TBCD: variants seen among roughly 807,000 people sequenced by gnomAD.
TBCD encodes tubulin folding cofactor D.
Under a neutral mutation model 169.3 loss-of-function variants are expected in TBCD, and 105 were observed. The observed-to-expected ratio is 0.62, with a 90% CI of 0.53 to 0.73. The LOEUF is 0.73. Among genes scored for constraint, TBCD ranks in the 30% least tolerant of loss-of-function variants. TBCD has a pLI of 0.00. For missense variants in TBCD, 1,444 were observed against 1,600.1 expected, an observed-to-expected ratio of 0.90 and a Z score of 1.66; for synonymous variants, 700 against 643.9, an observed-to-expected ratio of 1.09 and a Z score of -1.32.
In TBCD at chr17:82,805,685, A is replaced by G. The variant is rs1310030741; in HGVS notation, c.951-190A>G. On this transcript the variant is annotated intron_variant, in intron 9 of 38. Transcript: ENST00000355528. ...ACTCGGGGCGTGTTTTGTGGCCCACACCAGGATCTTCCTGGCAGTTTGTGC... is the reference window on the plus strand; with the variant it reads ...ACTCGGGGCGTGTTTTGTGGCCCACGCCAGGATCTTCCTGGCAGTTTGTGC... Among the ~76,000 whole-genome samples the G allele has an allele frequency of 3.3e-5, 5 of 152,324 alleles. No individual in the cohort carries two copies. The South Asian group carries it at 1.0e-3, about 32-fold the overall frequency.
At chr17:82,792,971 C>T (rs920968583) in intron 7 of TBCD, among the ~76,000 whole-genome samples, 2 of 151,958 alleles carry the variant, frequency 1.3e-5, no homozygotes, top group African/African-American at 2.4e-5. Flanking sequence ...CCATGTTGTC[C>T]GGGCTGGTCT....
At chr17:82,849,969 TGTGC>T (rs2055534517) in intron 13 of TBCD, among the ~76,000 whole-genome samples, 5 of 150,990 alleles carry the variant, frequency 3.3e-5, no homozygotes, top group African/African-American at 1.2e-4. Context: ...TGCTGTTGGC[TGTGC>T]TGCTGTTGGC....
At chr17:82,937,645 G>T in intron 35 of TBCD, 1 of 602,306 alleles carries the variant, frequency 1.7e-6, no homozygotes, top group Non-Finnish European at 2.9e-6. Context: ...CGTGGTCAGG[G>T]GCTGCCTCCC....
At chr17:82,859,957 G>C (rs1418666122) in intron 13 of TBCD, 1 of 926,016 alleles carries the variant, frequency 1.1e-6, no homozygotes, top group Non-Finnish European at 1.3e-6. Flanking sequence ...TGGGCCTCGT[G>C]GTCCTGCTCT....
At chr17:82,752,699 C>T (rs2047171027) in intron 1 of TBCD, among the ~76,000 whole-genome samples, 1 of 152,158 alleles carries the variant, frequency 6.6e-6, no homozygotes, top group South Asian at 2.1e-4. Context: ...CCGTCTCCGT[C>T]ACTGGAGGAG....
chr17:82,819,406 A>C (rs940054192), intron 13 of TBCD, among the ~76,000 whole-genome samples: 1 of 152,200 alleles, frequency 6.6e-6, no homozygotes, highest in Non-Finnish European at 1.5e-5. Context: ...ACACACACAG[A>C]ATCTCCATCT....
At chr17:82,761,334 C>T (rs1045684402) in intron 2 of TBCD, among the ~76,000 whole-genome samples, 3 of 152,088 alleles carry the variant, frequency 2.0e-5, no homozygotes, top group African/African-American at 4.8e-5. Flanking sequence ...TCTTTATCCA[C>T]GATTATAAAT....
chr17:82,937,123 G>C lies in TBCD; in HGVS notation c.3192-148G>C, dbSNP rs867413266. 4.6e-6 allele frequency: 3 copies of C among 652,634 alleles called. No homozygotes were observed. The East Asian group carries it at 8.1e-5, about 18-fold the overall frequency. The allele number at this position is 652,634 out of a possible 1,614,324, so 40.4% of individuals were successfully genotyped here. ...TGGAGGTATTGGGATGGGGACCAGC[G>C]GACTTGCTGGCAGAGGGGCCTCAGG... is the stretch of plus-strand genomic sequence containing the variant. On this transcript the variant is annotated intron_variant, in intron 34 of 38. Coordinates refer to ENST00000355528, the MANE Select transcript of TBCD (RefSeq NM_005993.5).
At position 82,941,480 on chromosome 17, in the gene TBCD, C is replaced by T. The variant is rs116448126; in HGVS notation, c.3561C>T (p.Pro1187=). The T allele has an allele frequency of 2.4e-3, 3,884 of 1,592,090 alleles. 96 individuals carry two copies. In the African/African-American group the frequency reaches 0.046, roughly 19 times the overall value. The part of the protein sequence containing the change: ...LLGVPRPQLV[P]QPGAC ...GCGTACCCAGGCCCCAGCTGGTGCC[C>T]CAGGTAACCCTGTCACCTTCACAGC... Residue 1187 remains proline, a synonymous_variant, in exon 38 of 39, where the codon CCC becomes CCT. Coordinates refer to ENST00000355528, the MANE Select transcript of TBCD (RefSeq NM_005993.5).
chr17:82,830,432 C>G, intron 13 of TBCD: 7 of 1,611,792 alleles, frequency 4.3e-6, no homozygotes, highest in Non-Finnish European at 5.9e-6. Flanking sequence ...TTCTGCTCCT[C>G]GCTGCTGTCC....
intron 2 of TBCD, 112 bp downstream of exon 2, chr17:82,756,327 G>T: frequency 1.8e-6 from 2 of 1,133,988 alleles, no homozygotes; most frequent in South Asian, 1.3e-5. Flanking sequence ...GCCAAGAAGT[G>T]TCCCTGTCTT....
chr17:82,791,091 C>CTTTTT (rs35648641), intron 7 of TBCD, among the ~76,000 whole-genome samples: 24 of 124,610 alleles, frequency 1.9e-4, no homozygotes, highest in African/African-American at 1.9e-4. Context: ...TCTCTTGCAT[C>CTTTTT]TTTTTTTTTT....
At chr17:82,798,435 C>T (rs746166065) in intron 8 of TBCD, among the ~76,000 whole-genome samples, 13 of 151,814 alleles carry the variant, frequency 8.6e-5, no homozygotes, top group Non-Finnish European at 1.9e-4. Context: ...TGTGAGCCAC[C>T]GTGCCCGGCC....
chr17:82,846,351 C>T (rs2055108989), intron 13 of TBCD, among the ~76,000 whole-genome samples: 1 of 151,460 alleles, frequency 6.6e-6, no homozygotes, highest in Admixed American at 6.6e-5. Context: ...CCCTCTGCTG[C>T]CCCCTCCATG....
In TBCD at chr17:82,844,053, C is replaced by T. The variant is rs1321947694; in HGVS notation, c.1319-26171C>T. Among the ~76,000 whole-genome samples, 3 of 152,262 alleles carry T rather than the reference C, an allele frequency of 2.0e-5. No homozygotes were observed. The East Asian group carries it at 5.8e-4, about 29-fold the overall frequency. ...AACACTTCTGTTAAGTACTTGGTTTCTGATTTTGGTTTCCATGAGCTCTGT... is the reference window on the plus strand; with the variant it reads ...AACACTTCTGTTAAGTACTTGGTTTTTGATTTTGGTTTCCATGAGCTCTGT... On this transcript the variant is annotated intron_variant, in intron 13 of 38. Coordinates refer to ENST00000355528, the MANE Select transcript of TBCD (RefSeq NM_005993.5).
chr17:82,907,873 C>A, intron 21 of TBCD, 52 bp downstream of exon 21: 1 of 1,577,998 alleles, frequency 6.3e-7, no homozygotes, highest in Non-Finnish European at 8.6e-7. Flanking sequence ...AGGACCTGCC[C>A]CCTTAGGGCC....
intron 34 of TBCD, among the ~76,000 whole-genome samples, chr17:82,934,112 C>T (rs2062433152): frequency 1.3e-5 from 2 of 152,210 alleles, no homozygotes; most frequent in African/African-American, 2.4e-5. Flanking sequence ...TGACCCAGGC[C>T]CAGGTTAGTC....
At chr17:82,758,396 A>AAAAAT (rs1568089829) in intron 2 of TBCD, among the ~76,000 whole-genome samples, 2 of 123,106 alleles carry the variant, frequency 1.6e-5, no homozygotes, top group African/African-American at 5.5e-5. Context: ...AAAAAAAAAA[A>AAAAAT]AAAAAAATAA....
At position 82,754,897 on chromosome 17, in the gene TBCD, T is replaced by A. The variant is rs1034260808; in HGVS notation, c.185-1268T>A. ...CTGGCAGCTGTGTGGAAGGGAGCAG[T>A]GCCTGGATATGTCAACCAAAAAGTA... On this transcript the variant is annotated intron_variant, in intron 1 of 38. Transcript: ENST00000355528. Among the ~76,000 whole-genome samples the A allele has an allele frequency of 2.6e-5, 4 of 152,180 alleles. No homozygotes were observed. In the East Asian group the frequency reaches 5.8e-4, roughly 22 times the overall value.
Sources: gnomAD v4.1 joint callset for allele counts (sites outside exome capture counted in the v4.1 genomes callset) on GRCh38, gnomAD v4.1.1 for gene constraint, MANE v1.5 for transcripts, NCBI Gene and HGNC (gene_info 2026-07-23, HGNC 2026-07-21) for gene names.